KCNJ6: variants seen among roughly 807,000 people sequenced by gnomAD.
The protein encoded by KCNJ6 is potassium inwardly rectifying channel subfamily J member 6.
A neutral mutation model predicts 34.2 loss-of-function variants in KCNJ6; 9 were observed. The observed-to-expected ratio is 0.26, with a 90% CI of 0.16 to 0.46. The LOEUF (loss-of-function observed/expected upper bound fraction) is 0.46. KCNJ6 is among the 20% of genes least tolerant of loss of function. KCNJ6 has a pLI of 1.00. For synonymous variants in KCNJ6, 196 were observed against 207.1 expected (o/e 0.95, Z 0.46); for missense variants, 236 against 531.3 (o/e 0.44, Z 5.46).
intron 1 of KCNJ6, among the ~76,000 whole-genome samples, chr21:37,874,792 C>A (rs1026130651): frequency 6.6e-6 from 1 of 152,086 alleles, no homozygotes. Context: ...AGTTCACATT[C>A]GATCTCTTAG....
At position 37,637,604 on chromosome 21, in the gene KCNJ6, T is replaced by A. The variant is rs141872973; in HGVS notation, c.947-12120A>T. The stretch of plus-strand genomic sequence containing the variant: ...TTCTCAGACAGATGCTATGATCTTA[T>A]GTGTGAGCAAACTAAGGCAAAGACA... On this transcript the variant is annotated intron_variant, in intron 3 of 3. Transcript: ENST00000609713. 5.2e-3 allele frequency among the ~76,000 whole-genome samples: 789 copies of A among 152,310 alleles called. 3 individuals are homozygous for A. The highest frequency in any genetic ancestry group is 0.027 in the Middle Eastern group (8 of 294).
At chr21:37,910,939 A>G (rs1398600093) in intron 1 of KCNJ6, among the ~76,000 whole-genome samples, 1 of 152,224 alleles carries the variant, frequency 6.6e-6, no homozygotes, top group Non-Finnish European at 1.5e-5. Flanking sequence ...TGTTTAAACA[A>G]TGATTCAATT....
intron 3 of KCNJ6, among the ~76,000 whole-genome samples, chr21:37,681,900 G>T (rs2054592426): frequency 6.6e-6 from 1 of 152,166 alleles, no homozygotes; most frequent in Non-Finnish European, 1.5e-5. Context: ...TGAGGTCAGG[G>T]TGTGTGATGC....
At chr21:37,696,421 A>T (rs2054663736) in intron 3 of KCNJ6, among the ~76,000 whole-genome samples, 1 of 152,208 alleles carries the variant, frequency 6.6e-6, no homozygotes, top group Admixed American at 6.5e-5. Context: ...TGCCCCACAG[A>T]CATAACCTAA....
intron 2 of KCNJ6, among the ~76,000 whole-genome samples, chr21:37,775,944 T>C (rs1173345037): frequency 6.6e-6 from 1 of 152,162 alleles, no homozygotes; most frequent in Non-Finnish European, 1.5e-5. Context: ...CCTTGGGCAG[T>C]ATGGCCATTT....
chr21:37,904,510 A>G (rs868495129), intron 1 of KCNJ6, among the ~76,000 whole-genome samples: 3 of 152,134 alleles, frequency 2.0e-5, no homozygotes, highest in African/African-American at 7.2e-5. Context: ...ACTTACTTAG[A>G]AGTTCTATAC....
chr21:37,714,640 T>C lies in KCNJ6; in HGVS notation c.517A>G (p.Ile173Val). The C allele has an allele frequency of 6.2e-7, 1 of 1,614,078 alleles. No homozygotes were observed. Among genetic ancestry groups the C allele is most frequent in the Non-Finnish European group, 8.5e-7 (1 of 1,180,020 alleles). The change falls in exon 3 of 4, where the codon ATC (isoleucine) becomes GTC (valine). Residue 173 changes from isoleucine to valine, a missense_variant. Ile to Val is a conservative substitution (Grantham distance 29). Around this residue, in one of 5 missense-constraint regions of KCNJ6, gnomAD observed 68 missense variants for 165.7 expected, o/e 0.41. Coordinates refer to ENST00000609713, the MANE Select transcript of KCNJ6 (RefSeq NM_002240.5). The surrounding 1 kb of genome is among the most constrained non-coding windows in gnomAD (Gnocchi z 5.9). ...KCPEGIILLL[I>V]QSVLGSIVNA... is the part of the protein sequence containing the mutation. ...ACAATGGACCCCAACACAGATTGGA[T>C]TAAGAGAAGAATAATTCCCTCTGGG...
intron 3 of KCNJ6, among the ~76,000 whole-genome samples, chr21:37,667,183 A>T (rs1325237505): frequency 1.4e-5 from 1 of 71,968 alleles, no homozygotes; most frequent in Non-Finnish European, 3.6e-5. Flanking sequence ...AAAAAAAAAA[A>T]ATTAAATGAG....
chr21:37,830,808 C>A (rs1421377011), intron 2 of KCNJ6, among the ~76,000 whole-genome samples: 2 of 152,194 alleles, frequency 1.3e-5, no homozygotes, highest in Admixed American at 6.5e-5. Flanking sequence ...AGGAATGTCA[C>A]GCGTGATGGT....
At chr21:37,684,711 T>C (rs2054605538) in intron 3 of KCNJ6, among the ~76,000 whole-genome samples, 1 of 152,222 alleles carries the variant, frequency 6.6e-6, no homozygotes. Flanking sequence ...AGCCAGATTA[T>C]TCGGTGAAAA....
At chr21:37,634,408 AT>A (rs1236019256) in intron 3 of KCNJ6, among the ~76,000 whole-genome samples, 20 of 152,312 alleles carry the variant, frequency 1.3e-4, no homozygotes, top group Admixed American at 6.5e-4. Flanking sequence ...GGCCGGGGCC[AT>A]GCTTCCTGTA....
chr21:37,650,306 G>A (rs2054427247), intron 3 of KCNJ6, among the ~76,000 whole-genome samples: 3 of 152,188 alleles, frequency 2.0e-5, no homozygotes, highest in East Asian at 1.9e-4. Flanking sequence ...TCTGGACTGA[G>A]TCCGAGTTCT....
chr21:37,916,087 G>A lies in KCNJ6; in HGVS notation c.-231C>T, dbSNP rs2055892474. 1 of 152,158 alleles carries A rather than the reference G, an allele frequency of 6.6e-6. No homozygotes were observed. Among genetic ancestry groups the A allele is most frequent in the African/African-American group, 2.4e-5 (1 of 41,362 alleles). 9.4% of individuals were successfully genotyped at this position (152,158 alleles called of 1,614,324 possible). ...ACTCCATTCTGCTCGCGGCTGCTCCGGCTCCAGGTCCGGCTTCCCGGCGTC... is the reference window on the plus strand; with the variant it reads ...ACTCCATTCTGCTCGCGGCTGCTCCAGCTCCAGGTCCGGCTTCCCGGCGTC... On this transcript the variant is annotated 5_prime_UTR_variant, in exon 1 of 4. Coordinates refer to ENST00000609713, the MANE Select transcript of KCNJ6 (RefSeq NM_002240.5).
chr21:37,650,585 G>C (rs1351845497), intron 3 of KCNJ6, among the ~76,000 whole-genome samples: 1 of 152,132 alleles, frequency 6.6e-6, no homozygotes, highest in African/African-American at 2.4e-5. Context: ...ATTCTATCCA[G>C]TGGTTTTAGG....
chr21:37,799,486 G>C (rs2835965), intron 2 of KCNJ6, among the ~76,000 whole-genome samples: 75,303 of 151,886 alleles, frequency 0.5, 19,101 homozygotes, highest in Middle Eastern at 0.54. Context: ...CTTTCACTCC[G>C]TTGAGCAAAG....
chr21:37,777,169 G>A (rs1003304393), intron 2 of KCNJ6, among the ~76,000 whole-genome samples: 7 of 152,256 alleles, frequency 4.6e-5, no homozygotes, highest in African/African-American at 9.6e-5. Context: ...ATGGTAGTTT[G>A]TATTTCTGTG....
At chr21:37,915,732 G>A (rs543788894) in intron 1 of KCNJ6, among the ~76,000 whole-genome samples, 152 bp downstream of exon 1, 292 of 152,280 alleles carry the variant, frequency 1.9e-3, no homozygotes, top group African/African-American at 6.7e-3. Flanking sequence ...CTCGCCTTTC[G>A]GCTGACTTGG....
chr21:37,879,377 T>C (rs2055695205), intron 1 of KCNJ6, among the ~76,000 whole-genome samples: 1 of 152,160 alleles, frequency 6.6e-6, no homozygotes, highest in African/African-American at 2.4e-5. Context: ...ACTGGATTCC[T>C]AGTGATGCTC....
chr21:37,870,271 T>G (rs1157864621), intron 1 of KCNJ6, among the ~76,000 whole-genome samples: 1 of 122,090 alleles, frequency 8.2e-6, no homozygotes, highest in African/African-American at 3.1e-5. Context: ...GATAGGCACA[T>G]GGCATTGTAT....
Sources: allele counts gnomAD v4.1 joint callset (sites outside exome capture counted in the v4.1 genomes callset), GRCh38; gene constraint gnomAD v4.1.1; regional missense constraint gnomAD v4.1.1; non-coding constraint Gnocchi (gnomAD v3.1); transcripts MANE v1.5; gene names NCBI Gene and HGNC (gene_info 2026-07-23, HGNC 2026-07-21).